The following LPA variants were observed in gnomAD, a reference collection of about 807,000 sequenced individuals.
LPA encodes apolipoprotein(a).
In LPA, 199 loss-of-function variants were observed where a neutral mutation model predicts 197.9. The ratio of observed to expected loss-of-function variants is 1.01; its 90% CI spans 0.90 to 1.13. The LOEUF (loss-of-function observed/expected upper bound fraction) is 1.13. Ranked by LOEUF, LPA falls within the 50% of genes most tolerant of loss-of-function variation. The probability of loss-of-function intolerance (pLI) is 0.00; values close to 1 mark genes in which losing one functional copy is unlikely to be tolerated. For synonymous variants in LPA, 715 were observed against 639.5 expected, an observed-to-expected ratio of 1.12 and a Z score of -1.78; for missense variants, 1,853 against 1,785.8, an observed-to-expected ratio of 1.04 and a Z score of -0.68.
intron 23 of LPA, among the ~76,000 whole-genome samples, chr6:160,590,275 C>T (rs528794503): frequency 6.6e-6 from 1 of 152,104 alleles, no homozygotes; most frequent in South Asian, 2.1e-4. Flanking sequence ...ATCTTGGGCC[C>T]AGGATCCTGC....
intron 28 of LPA, among the ~76,000 whole-genome samples, chr6:160,560,185 A>C (rs1296286491): frequency 6.6e-6 from 1 of 152,178 alleles, no homozygotes; most frequent in East Asian, 1.9e-4. Flanking sequence ...TATCCAGTCT[A>C]TCATTGATGG....
chr6:160,538,051 G>T, intron 36 of LPA, 90 bp from the exon 37 acceptor site: 2 of 1,052,606 alleles, frequency 1.9e-6, no homozygotes, highest in Non-Finnish European at 2.9e-6. Context: ...AAGCCCCAGA[G>T]CCCTCTGAGC....
intron 16 of LPA, among the ~76,000 whole-genome samples, chr6:160,607,644 G>C (rs768947019): frequency 6.6e-6 from 1 of 152,152 alleles, no homozygotes; most frequent in South Asian, 2.1e-4. Flanking sequence ...CATGACCTGT[G>C]GCTGCCTGAG....
intron 18 of LPA, among the ~76,000 whole-genome samples, chr6:160,604,052 AC>A (rs1779296491): frequency 1.3e-5 from 2 of 152,186 alleles, no homozygotes; most frequent in Admixed American, 1.3e-4. Flanking sequence ...TTCTTGTGGA[AC>A]CTTTTTCTGG....
chr6:160,594,639 C>A (rs1048381543), intron 21 of LPA, among the ~76,000 whole-genome samples: 5 of 152,180 alleles, frequency 3.3e-5, no homozygotes, highest in Admixed American at 6.5e-5. Context: ...GGGCTACTGG[C>A]CAAAATTTTA....
In LPA at chr6:160,585,155, G is replaced by T; in HGVS notation, c.4180C>A (p.Gln1394Lys). The change falls in exon 26 of 39, where the codon CAG (glutamine) becomes AAG (lysine). Residue 1394 changes from glutamine (Q) to lysine (K), a missense_variant. Coordinates refer to ENST00000316300, the MANE Select transcript of LPA (RefSeq NM_005577.4). ...GTGGAGAGTGTGCCTCGATAACTCTGTCCATCACCTCGGTAGCAGTCCTGG... is the reference window on the plus strand; with the variant it reads ...GTGGAGAGTGTGCCTCGATAACTCTTTCCATCACCTCGGTAGCAGTCCTGG... The part of the protein sequence containing the change: ...GVQDCYRGDG[Q>K]SYRGTLSTTI... 1 of 1,613,668 alleles carries T rather than the reference G, an allele frequency of 6.2e-7. No individual in the cohort carries two copies. The highest frequency in any genetic ancestry group is 2.2e-5 in the East Asian group (1 of 44,834).
chr6:160,577,707 T>C (rs960028517), intron 27 of LPA, among the ~76,000 whole-genome samples: 41 of 152,132 alleles, frequency 2.7e-4, no homozygotes, highest in African/African-American at 9.9e-4. Context: ...CCATTGCTCA[T>C]ACCAAGGCAA....
At chr6:160,561,293 A>T (rs1266843331) in intron 28 of LPA, among the ~76,000 whole-genome samples, 1 of 152,228 alleles carries the variant, frequency 6.6e-6, no homozygotes, top group African/African-American at 2.4e-5. Context: ...ATGGCTAGCC[A>T]GTTTTCCCAA....
At position 160,595,502 on chromosome 6, in the gene LPA, A is replaced by G. The variant is rs372912078; in HGVS notation, c.3321T>C (p.Asp1107=). ...GLTRNYCRNP[D]AEIRPWCYTM... ...TGTAACACCAAGGGCGAATCTCAGC[A>G]TCTGGATTCCTGCAGTAGTTCCTGG... The change falls in exon 21 of 39, where the codon GAT becomes GAC. Residue 1107 remains aspartate, a synonymous_variant. Transcript: ENST00000316300. 8.1e-6 allele frequency: 13 copies of G among 1,613,910 alleles called. No homozygotes were observed. The highest frequency in any genetic ancestry group is 9.3e-6 in the Non-Finnish European group (11 of 1,179,954).
chr6:160,556,184 G>T lies in LPA; in HGVS notation c.4814C>A (p.Ala1605Glu), dbSNP rs746318384. Reference protein sequence around the residue: ...VPSMEAHSEAAPTEQTPVVRQ... With the variant: ...VPSMEAHSEAEPTEQTPVVRQ... ...GACCACAGGGGTTTGCTCAGTTGGTGCTGAAAATAGACAAAATCAAGCTGA... is the reference window on the plus strand; with the variant it reads ...GACCACAGGGGTTTGCTCAGTTGGTTCTGAAAATAGACAAAATCAAGCTGA... Residue 1605 changes from alanine (A) to glutamate (E), a missense_variant and splice_region_variant, in exon 30 of 39, where the codon GCA (alanine) becomes GAA (glutamate). Transcript: ENST00000316300. The T allele has an allele frequency of 4.3e-6, 7 of 1,613,676 alleles. No individual in the cohort carries two copies. Among genetic ancestry groups the T allele is most frequent in the Non-Finnish European group, 5.9e-6 (7 of 1,179,816 alleles).
intron 30 of LPA, among the ~76,000 whole-genome samples, chr6:160,549,340 CCTT>C (rs1400069336): frequency 2.6e-5 from 4 of 152,186 alleles, no homozygotes; most frequent in Non-Finnish European, 4.4e-5. Context: ...AGAATACCCT[CCTT>C]CTACCTTCTG....
chr6:160,592,111 T>G (rs1779041447), intron 22 of LPA, among the ~76,000 whole-genome samples: 1 of 152,202 alleles, frequency 6.6e-6, no homozygotes. Flanking sequence ...ATAACTTCTG[T>G]CACATTATCT....
intron 1 of LPA, among the ~76,000 whole-genome samples, chr6:160,654,003 TAATA>T (rs375501056): frequency 0.42 from 12,550 of 29,534 alleles, 3,418 homozygotes; most frequent in Non-Finnish European, 0.47. Flanking sequence ...ATATTATATA[TAATA>T]TATATTATAT....
At chr6:160,598,106 T>C (rs12175867) in intron 20 of LPA, among the ~76,000 whole-genome samples, 28,651 of 152,188 alleles carry the variant, frequency 0.19, 3,539 homozygotes, top group East Asian at 0.42. Context: ...AGGTCTCTTC[T>C]CTCTAGCTGG....
chr6:160,652,390 C>T (rs1780023730), intron 1 of LPA, among the ~76,000 whole-genome samples: 1 of 152,088 alleles, frequency 6.6e-6, no homozygotes, highest in Non-Finnish European at 1.5e-5. Flanking sequence ...AATGGAACAT[C>T]ATTGTTAAAA....
chr6:160,594,385 A>G (rs933582342), intron 21 of LPA, among the ~76,000 whole-genome samples: 37 of 152,254 alleles, frequency 2.4e-4, no homozygotes, highest in Admixed American at 2.0e-3. Flanking sequence ...ACTCATGTGC[A>G]TGCTCTTTAA....
intron 28 of LPA, among the ~76,000 whole-genome samples, chr6:160,562,737 A>G (rs1455224528): frequency 6.6e-6 from 1 of 152,018 alleles, no homozygotes; most frequent in East Asian, 1.9e-4. Context: ...TACTGCCTCG[A>G]TTTCAGAACT....
chr6:160,540,014 T>C, intron 36 of LPA, 29 bp downstream of exon 36: 2 of 1,613,822 alleles, frequency 1.2e-6, no homozygotes, highest in Non-Finnish European at 1.7e-6. Flanking sequence ...TTCACCAGCG[T>C]GGGGTGAAGA....
chr6:160,605,642 C>T (rs537269424), intron 17 of LPA, among the ~76,000 whole-genome samples: 21 of 152,172 alleles, frequency 1.4e-4, no homozygotes, highest in East Asian at 7.7e-4. Flanking sequence ...GGCAGAGAAA[C>T]GGACAGACAT....
Sources: allele counts gnomAD v4.1 joint callset (sites outside exome capture counted in the v4.1 genomes callset), GRCh38; gene constraint gnomAD v4.1.1; transcripts MANE v1.5; gene names NCBI Gene and HGNC (gene_info 2026-07-23, HGNC 2026-07-21).